Variants in PRKAR2A observed in about 807,000 individuals in gnomAD.
PRKAR2A encodes the protein protein kinase cAMP-dependent type II regulatory subunit alpha, also known as cAMP-dependent protein kinase type II-alpha regulatory subunit.
In PRKAR2A, 29 loss-of-function variants were observed where a neutral mutation model predicts 51.9. That is an observed-to-expected ratio of 0.56 (90% CI 0.42 to 0.76). PRKAR2A has a LOEUF of 0.76. Among genes scored for constraint, PRKAR2A ranks in the 30% least tolerant of loss-of-function variants. PRKAR2A has a pLI of 0.00. For missense variants in PRKAR2A, 445 were observed against 512.1 expected, an observed-to-expected ratio of 0.87 and a Z score of 1.26; for synonymous variants, 178 against 186.2, an observed-to-expected ratio of 0.96 and a Z score of 0.36.
chr3:48,821,030 A>C (rs2082951251), intron 1 of PRKAR2A, among the ~76,000 whole-genome samples: 1 of 152,178 alleles, frequency 6.6e-6, no homozygotes, highest in Admixed American at 6.6e-5. Context: ...CCAATCACAC[A>C]GTTTTAATTA....
chr3:48,767,789 C>T (rs550057273), intron 6 of PRKAR2A, among the ~76,000 whole-genome samples: 7 of 150,750 alleles, frequency 4.6e-5, no homozygotes, highest in South Asian at 2.1e-4. Context: ...CTGGGCATGG[C>T]GGCACGCGCC....
chr3:48,826,955 T>A (rs1267926591), intron 1 of PRKAR2A, among the ~76,000 whole-genome samples: 1 of 151,486 alleles, frequency 6.6e-6, no homozygotes, highest in African/African-American at 2.4e-5. Flanking sequence ...GAAAAAGATA[T>A]CCAAGGCCAC....
intron 8 of PRKAR2A, among the ~76,000 whole-genome samples, chr3:48,762,155 C>T (rs2081873191): frequency 6.6e-6 from 1 of 152,144 alleles, no homozygotes; most frequent in East Asian, 1.9e-4. Context: ...TGCGGAGGTG[C>T]ACACCTATAA....
At chr3:48,745,341 G>A (rs925211769), downstream of PRKAR2A, among the ~76,000 whole-genome samples, 4 of 151,820 alleles carry the variant, frequency 2.6e-5, no homozygotes, top group Admixed American at 1.3e-4. Context: ...AGCTCTGCTG[G>A]GTTTCATTGG....
rs1032639390 is a variant in PRKAR2A, at chr3:48,747,369, C to T, written c.*4216G>A. On this transcript the variant is annotated 3_prime_UTR_variant, in exon 11 of 11. Coordinates refer to ENST00000265563, the MANE Select transcript of PRKAR2A (RefSeq NM_004157.4). ...TCTGAATTAGAGGGTAGCTTGTACA[C>T]TGTGACATGACATGAAATGCTGTGT... 1 of 152,190 alleles carries T rather than the reference C, an allele frequency of 6.6e-6. No individual in the cohort carries two copies. The highest frequency in any genetic ancestry group is 1.5e-5 in the Non-Finnish European group (1 of 68,036). The allele number at this position is 152,190 out of a possible 1,614,324, so 9.4% of individuals were successfully genotyped here.
intron 9 of PRKAR2A, among the ~76,000 whole-genome samples, chr3:48,753,778 C>T (rs1430894713): frequency 6.6e-6 from 1 of 152,186 alleles, no homozygotes; most frequent in East Asian, 1.9e-4. Flanking sequence ...TGCTGCTGAT[C>T]TTATGCACCT....
chr3:48,779,431 C>T (rs1005952445), intron 5 of PRKAR2A, among the ~76,000 whole-genome samples: 3 of 151,960 alleles, frequency 2.0e-5, no homozygotes, highest in African/African-American at 7.3e-5. Context: ...TAGGGGAGTA[C>T]ACAGCAGGGC....
At chr3:48,843,594 G>T (rs1304014101) in intron 1 of PRKAR2A, among the ~76,000 whole-genome samples, 1 of 152,066 alleles carries the variant, frequency 6.6e-6, no homozygotes, top group Non-Finnish European at 1.5e-5. Context: ...TATAATACAA[G>T]GCTACAGTAA....
At chr3:48,810,280 G>A (rs1324443996) in intron 1 of PRKAR2A, among the ~76,000 whole-genome samples, 3 of 151,952 alleles carry the variant, frequency 2.0e-5, no homozygotes, top group Non-Finnish European at 4.4e-5. Context: ...ACATATATTT[G>A]TGTATACAAT....
intron 8 of PRKAR2A, among the ~76,000 whole-genome samples, chr3:48,764,635 T>G (rs552796151): frequency 1.0e-3 from 157 of 151,130 alleles, no homozygotes; most frequent in Non-Finnish European, 1.4e-3. Context: ...GGTTTTTTGG[T>G]TTTTTTTTGA....
chr3:48,819,010 T>C lies in PRKAR2A; in HGVS notation c.263-11326A>G, dbSNP rs956874229. 4.6e-5 allele frequency among the ~76,000 whole-genome samples: 7 copies of C among 152,100 alleles called. No homozygotes were observed. In the South Asian group the frequency reaches 6.2e-4, roughly 13 times the overall value. On this transcript the variant is annotated intron_variant, in intron 1 of 10. Transcript: ENST00000265563. ...CCACGTATACCCTGTTCAAACACTTTTTTTTTTTTGAGACAGAGTTTCGCT... is the reference window on the plus strand; with the variant it reads ...CCACGTATACCCTGTTCAAACACTTCTTTTTTTTTGAGACAGAGTTTCGCT...
chr3:48,816,515 G>A (rs150620069), intron 1 of PRKAR2A, among the ~76,000 whole-genome samples: 147 of 152,186 alleles, frequency 9.7e-4, no homozygotes, highest in African/African-American at 3.3e-3. Context: ...GCGCGTGACT[G>A]TAGTCCCAGC....
chr3:48,795,062 C>T (rs1050412918), intron 2 of PRKAR2A, among the ~76,000 whole-genome samples: 2 of 151,818 alleles, frequency 1.3e-5, no homozygotes, highest in Non-Finnish European at 1.5e-5. Context: ...CTGCAAGCTC[C>T]GCCTCTCAGG....
At chr3:48,805,571 T>C (rs2082666409) in intron 2 of PRKAR2A, among the ~76,000 whole-genome samples, 1 of 152,194 alleles carries the variant, frequency 6.6e-6, no homozygotes, top group Non-Finnish European at 1.5e-5. Flanking sequence ...CTCTGCTTTG[T>C]TCCCAGTTTC....
At chr3:48,787,481 C>T (rs941522470) in intron 4 of PRKAR2A, among the ~76,000 whole-genome samples, 25 of 152,096 alleles carry the variant, frequency 1.6e-4, no homozygotes, top group East Asian at 1.9e-4. Context: ...CCACCGTGCC[C>T]GTCCAAGTTA....
intron 3 of PRKAR2A, 101 bp from the exon 4 acceptor site, chr3:48,790,728 G>C: frequency 1.4e-6 from 1 of 691,240 alleles, no homozygotes; most frequent in Non-Finnish European, 2.2e-6. Context: ...GAAAAATAAA[G>C]AGCATGGTTT....
intron 9 of PRKAR2A, among the ~76,000 whole-genome samples, chr3:48,752,574 C>T (rs1026732459): frequency 2.0e-5 from 3 of 152,194 alleles, no homozygotes; most frequent in East Asian, 3.8e-4. Flanking sequence ...CCATTCTGAA[C>T]ATGCCCAATC....
chr3:48,820,095 A>G (rs2082938210), intron 1 of PRKAR2A, among the ~76,000 whole-genome samples: 1 of 152,234 alleles, frequency 6.6e-6, no homozygotes, highest in Non-Finnish European at 1.5e-5. Flanking sequence ...CAAAAACGGA[A>G]TATGACCCAA....
chr3:48,840,913 C>T (rs1202052962), intron 1 of PRKAR2A, among the ~76,000 whole-genome samples: 87 of 118,242 alleles, frequency 7.4e-4, no homozygotes, highest in African/African-American at 2.8e-3. Flanking sequence ...GACAGTTTCG[C>T]TCTTGTTGCC....
Sources: allele counts gnomAD v4.1 joint callset (sites outside exome capture counted in the v4.1 genomes callset), GRCh38; gene constraint gnomAD v4.1.1; transcripts MANE v1.5; gene names NCBI Gene and HGNC (gene_info 2026-07-23, HGNC 2026-07-21).